The following NLRP5 variants were observed in gnomAD, a reference collection of about 807,000 sequenced individuals.
NLRP5 encodes NACHT, LRR and PYD domains-containing protein 5.
NLRP5 carries 93 observed loss-of-function variants against 113.1 expected under a neutral mutation model. The ratio of observed to expected loss-of-function variants is 0.82; its 90% CI spans 0.70 to 0.98. The LOEUF is 0.98. NLRP5 is among the 50% of genes least tolerant of loss of function. The probability of loss-of-function intolerance (pLI) is 0.00; values close to 1 mark genes in which losing one functional copy is unlikely to be tolerated. For synonymous variants in NLRP5, 751 were observed against 600.7 expected, an observed-to-expected ratio of 1.25 and a Z score of -3.66; for missense variants, 1,808 against 1,514.3, an observed-to-expected ratio of 1.19 and a Z score of -3.22.
chr19:56,055,615 A>C (rs563803796), intron 13 of NLRP5, among the ~76,000 whole-genome samples: 1 of 130,460 alleles, frequency 7.7e-6, no homozygotes. Context: ...GCGCGATCTC[A>C]GCTCACTGCA....
the NLRP5 span, among the ~76,000 whole-genome samples, chr19:55,990,159 G>C: frequency 6.2e-5 from 8 of 128,298 alleles, no homozygotes; most frequent in East Asian, 2.0e-3. Flanking sequence ...TGAGATCTCA[G>C]CTCACTGCAA....
chr19:56,039,467 G>C (rs1408356050), intron 10 of NLRP5, among the ~76,000 whole-genome samples: 2 of 152,186 alleles, frequency 1.3e-5, no homozygotes, highest in South Asian at 4.1e-4. Flanking sequence ...CTCAGAGGGT[G>C]ACATCTGAGC....
At chr19:56,026,767 G>A (rs555092248) in intron 6 of NLRP5, 146 bp from the exon 7 acceptor site, 43 of 752,314 alleles carry the variant, frequency 5.7e-5, no homozygotes, top group Non-Finnish European at 8.7e-5. Flanking sequence ...TATTAGAGAC[G>A]GGGCTTTGCC....
intron 11 of NLRP5, among the ~76,000 whole-genome samples, chr19:56,049,166 ATATTTATTTATT>A (rs3974178): frequency 0.05 from 6,935 of 139,418 alleles, 272 homozygotes; most frequent in African/African-American, 0.11. Context: ...TTTATTTTTT[ATATTTATTTATT>A]TATTTATTTA....
chr19:56,027,904 G>A lies in NLRP5; in HGVS notation c.1671G>A (p.Gly557=), dbSNP rs756824928. Residue 557 remains glycine, a synonymous_variant, in exon 7 of 15, where the codon GGG becomes GGA. Transcript: ENST00000390649. ...ACGACCTCATGGTTCAAGGACTCGG[G>A]GAGTCTGAGCTCCGTGCTCTGTTTC... The A allele has an allele frequency of 8.1e-6, 13 of 1,613,718 alleles. No individual in the cohort carries two copies. The East Asian group carries it at 2.2e-4, about 28-fold the overall frequency.
intron 1 of NLRP5, 39 bp from the exon 2 acceptor site, chr19:56,003,696 CT>C: frequency 6.4e-7 from 1 of 1,561,980 alleles, no homozygotes; most frequent in South Asian, 1.2e-5. Flanking sequence ...TGAGAATTTG[CT>C]GCAAGATCCT....
chr19:56,015,357 G>C (rs1982364297), intron 3 of NLRP5, among the ~76,000 whole-genome samples: 1 of 152,054 alleles, frequency 6.6e-6, no homozygotes, highest in South Asian at 2.1e-4. Flanking sequence ...ACCATGCCTG[G>C]CTAATTTTTT....
At chr19:56,043,120 C>A (rs1983582177) in intron 11 of NLRP5, among the ~76,000 whole-genome samples, 1 of 151,952 alleles carries the variant, frequency 6.6e-6, no homozygotes, top group Admixed American at 6.6e-5. Flanking sequence ...GGGTGGATGC[C>A]CAGTAGTGGG....
intron 13 of NLRP5, among the ~76,000 whole-genome samples, chr19:56,055,116 G>T (rs1325932810): frequency 6.7e-6 from 1 of 148,862 alleles, no homozygotes; most frequent in African/African-American, 2.5e-5. Context: ...AGCCTCCCGA[G>T]TAGCTGGGAC....
At chr19:55,988,849 T>C in the NLRP5 span, among the ~76,000 whole-genome samples, 1 of 152,006 alleles carries the variant, frequency 6.6e-6, no homozygotes, top group Admixed American at 6.5e-5. Flanking sequence ...TTGAGAGTCT[T>C]TGTCTTCTGT....
At position 56,028,319 on chromosome 19, in the gene NLRP5, G is replaced by C; in HGVS notation, c.2086G>C (p.Asp696His). ...CTTCCACTGTCTTTTCGAGACTCAAGACAAAGAGTTTGTTCGCTTGGCATT... is the reference window on the plus strand; with the variant it reads ...CTTCCACTGTCTTTTCGAGACTCAACACAAAGAGTTTGTTCGCTTGGCATT... The change falls in exon 7 of 15, where the codon GAC (aspartate) becomes CAC (histidine). Residue 696 changes from aspartate to histidine, a missense_variant. Coordinates refer to ENST00000390649, the MANE Select transcript of NLRP5 (RefSeq NM_153447.4). 1 of 1,613,962 alleles carries C rather than the reference G, an allele frequency of 6.2e-7. No individual in the cohort carries two copies. The highest frequency in any genetic ancestry group is 8.5e-7 in the Non-Finnish European group (1 of 1,179,898).
chr19:56,040,864 A>G (rs2569425), intron 10 of NLRP5, 58 bp from the exon 11 acceptor site: 898,491 of 1,436,796 alleles, frequency 0.63, 286,640 homozygotes, highest in African/African-American at 0.92. Context: ...AAAGGAGGGA[A>G]AGATGGAACT....
chr19:56,006,400 T>C (rs1257544578), intron 2 of NLRP5, among the ~76,000 whole-genome samples: 2 of 151,004 alleles, frequency 1.3e-5, no homozygotes, highest in African/African-American at 4.9e-5. Flanking sequence ...ATTGTGCACA[T>C]GTACCCTAGA....
At chr19:56,017,315 G>C (rs1439272288) in intron 4 of NLRP5, among the ~76,000 whole-genome samples, 2 of 151,694 alleles carry the variant, frequency 1.3e-5, no homozygotes, top group African/African-American at 2.4e-5. Flanking sequence ...TTCTCTGCCT[G>C]TTTTGGGGTG....
intron 11 of NLRP5, among the ~76,000 whole-genome samples, chr19:56,044,283 C>G (rs762696552): frequency 2.6e-5 from 4 of 151,252 alleles, no homozygotes; most frequent in Admixed American, 2.6e-4. Flanking sequence ...AGGCTGGTCT[C>G]GAACTCCTGA....
chr19:56,056,604 C>T (rs553219595), intron 13 of NLRP5, among the ~76,000 whole-genome samples: 2 of 152,134 alleles, frequency 1.3e-5, no homozygotes, highest in Non-Finnish European at 2.9e-5. Context: ...CCATGTTAAT[C>T]AGAGGTTAGT....
At chr19:56,004,203 T>G in intron 2 of NLRP5, 108 bp downstream of exon 2, 1 of 1,201,540 alleles carries the variant, frequency 8.3e-7, no homozygotes, top group Non-Finnish European at 1.2e-6. Context: ...CTCTGCAGTG[T>G]GAGTCTGAGC....
chr19:56,013,603 T>G (rs923538201), intron 3 of NLRP5, among the ~76,000 whole-genome samples: 1 of 134,348 alleles, frequency 7.4e-6, no homozygotes, highest in Non-Finnish European at 1.6e-5. Context: ...TGGGTTTTTT[T>G]TTTTTTTTTT....
chr19:56,059,263 TTGA>T (rs1397751741), intron 14 of NLRP5, among the ~76,000 whole-genome samples: 12 of 152,218 alleles, frequency 7.9e-5, no homozygotes, highest in Admixed American at 7.9e-4. Context: ...GAGGGCTGAG[TTGA>T]TGGAGTTCAC....
Sources: allele counts gnomAD v4.1 joint callset (sites outside exome capture counted in the v4.1 genomes callset), GRCh38; gene constraint gnomAD v4.1.1; transcripts MANE v1.5; gene names NCBI Gene and HGNC (gene_info 2026-07-23, HGNC 2026-07-21).